Variants in LRP1B observed in about 807,000 individuals in gnomAD.
LRP1B encodes the protein low-density lipoprotein receptor-related protein 1B.
LRP1B carries 217 observed loss-of-function variants against 556.6 expected under a neutral mutation model. The ratio of observed to expected loss-of-function variants is 0.39; its 90% CI spans 0.35 to 0.44. LRP1B has a LOEUF of 0.44. LRP1B is among the 20% of genes least tolerant of loss of function. LRP1B has a pLI of 1.00. For missense variants in LRP1B, 5,053 were observed against 5,620.8 expected (o/e 0.90, Z 3.23); for synonymous variants, 2,047 against 1,865.8 (o/e 1.10, Z -2.50).
intron 29 of LRP1B, among the ~76,000 whole-genome samples, chr2:140,843,665 C>T (rs1573793679): frequency 6.6e-6 from 1 of 152,270 alleles, no homozygotes; most frequent in East Asian, 1.9e-4. Flanking sequence ...GAATTTTATT[C>T]ATAATAGGCT....
At chr2:140,263,903 G>A (rs370218741) in intron 86 of LRP1B, among the ~76,000 whole-genome samples, 1 of 151,070 alleles carries the variant, frequency 6.6e-6, no homozygotes, top group Non-Finnish European at 1.5e-5. Flanking sequence ...TGTTACAGCA[G>A]CACCACAATT....
At chr2:141,189,802 T>C (rs111598608) in intron 6 of LRP1B, among the ~76,000 whole-genome samples, 185 of 152,070 alleles carry the variant, frequency 1.2e-3, no homozygotes, top group African/African-American at 3.7e-3. Context: ...TGACTACTGT[T>C]GCGGCTTAGA....
At position 140,721,536 on chromosome 2, in the gene LRP1B, C is replaced by CT. The variant is rs10616730; in HGVS notation, c.5759-4721dup. Among the ~76,000 whole-genome samples, 395 of 69,582 alleles carry CT rather than the reference C, an allele frequency of 5.7e-3. 53 individuals are homozygous for CT. The highest frequency in any genetic ancestry group is 0.021 in the African/African-American group (352 of 16,954). The allele number at this position is 69,582 out of a possible 152,430, so 45.6% of individuals were successfully genotyped here. On this transcript the variant is annotated intron_variant, in intron 35 of 90. Coordinates refer to ENST00000389484, the MANE Select transcript of LRP1B (RefSeq NM_018557.3). ...TGTGTTGAATTGGATCAAAGATGCA[C>CT]TTTTTTTTTTTTTTTTTTTTTTTTT... is the stretch of plus-strand genomic sequence containing the variant.
In LRP1B at chr2:141,609,753, AC is replaced by A. The variant is rs201676061; in HGVS notation, c.206-129221del. ...AATGGTGATTTTCTTCCAGGTGCCC[AC>A]ACAACTCTGCCTTTCCCTTGAGCAA... is the stretch of plus-strand genomic sequence containing the variant. On this transcript the variant is annotated intron_variant, in intron 2 of 90. Transcript: ENST00000389484. 1.9e-3 allele frequency among the ~76,000 whole-genome samples: 291 copies of A among 152,238 alleles called. 7 individuals are homozygous for A. In the East Asian group the frequency reaches 0.047, roughly 25 times the overall value.
chr2:140,712,259 T>C (rs1413240899), intron 37 of LRP1B, among the ~76,000 whole-genome samples: 1 of 152,090 alleles, frequency 6.6e-6, no homozygotes. Context: ...AAGTTTAGAC[T>C]CTAGAGTCCC....
intron 41 of LRP1B, among the ~76,000 whole-genome samples, chr2:140,640,213 C>G (rs888486440): frequency 3.4e-5 from 5 of 148,138 alleles, no homozygotes; most frequent in Non-Finnish European, 5.9e-5. Flanking sequence ...ACTGTGGTCT[C>G]GATCTCCTGA....
Position 141,637,585 on chromosome 2 carries a change from C to T in LRP1B, c.206-157052G>A, listed in dbSNP as rs368454942. Among the ~76,000 whole-genome samples the T allele has an allele frequency of 2.2e-4, 33 of 152,280 alleles. 1 individual carries two copies. In the South Asian group the frequency reaches 6.6e-3, roughly 31 times the overall value. On this transcript the variant is annotated intron_variant, in intron 2 of 90. Transcript: ENST00000389484. ...GAATAAGCTCTCACTTCATGTTTGTCAGGTATCTTCTCCTGGTTTGCACTG... is the reference window on the plus strand; with the variant it reads ...GAATAAGCTCTCACTTCATGTTTGTTAGGTATCTTCTCCTGGTTTGCACTG...
At chr2:141,325,546 C>T (rs987851064) in intron 3 of LRP1B, among the ~76,000 whole-genome samples, 1 of 152,100 alleles carries the variant, frequency 6.6e-6, no homozygotes, top group Non-Finnish European at 1.5e-5. Flanking sequence ...ATTTTCCTCT[C>T]ACCCATATTT....
chr2:141,893,060 T>A (rs1699339525), intron 1 of LRP1B, among the ~76,000 whole-genome samples: 1 of 152,238 alleles, frequency 6.6e-6, no homozygotes, highest in Admixed American at 6.5e-5. Flanking sequence ...ATAAACCTTT[T>A]TGTCATGTTC....
intron 7 of LRP1B, among the ~76,000 whole-genome samples, chr2:141,068,529 G>A (rs1215225025): frequency 2.1e-5 from 3 of 141,682 alleles, no homozygotes; most frequent in Middle Eastern, 3.8e-3. Flanking sequence ...GGGCCATGTT[G>A]TCTCCTCCTG....
chr2:141,508,553 ACACT>A (rs2105146619), intron 2 of LRP1B, among the ~76,000 whole-genome samples: 1 of 152,304 alleles, frequency 6.6e-6, no homozygotes, highest in Non-Finnish European at 1.5e-5. Context: ...AGTGAATGAC[ACACT>A]CAGATTTTTA....
At chr2:141,287,882 AT>A (rs1356242213) in intron 3 of LRP1B, among the ~76,000 whole-genome samples, 2 of 152,186 alleles carry the variant, frequency 1.3e-5, no homozygotes, top group African/African-American at 4.8e-5. Flanking sequence ...TGATTACATA[AT>A]TGTTTATTTC....
At chr2:140,770,797 G>T in intron 34 of LRP1B, 84 bp downstream of exon 34, 1 of 1,170,680 alleles carries the variant, frequency 8.5e-7, no homozygotes, top group South Asian at 2.1e-5. Flanking sequence ...ATGTTTAACT[G>T]ACTTTGGTTG....
intron 1 of LRP1B, among the ~76,000 whole-genome samples, chr2:141,955,539 C>T (rs1015765774): frequency 5.3e-5 from 8 of 152,032 alleles, no homozygotes; most frequent in African/African-American, 1.9e-4. Context: ...CTTGTCACAA[C>T]CCTACGTTGA....
At chr2:140,399,452 T>C (rs748191731) in intron 66 of LRP1B, among the ~76,000 whole-genome samples, 1 of 152,192 alleles carries the variant, frequency 6.6e-6, no homozygotes, top group Admixed American at 6.6e-5. Context: ...TGTTATAAAG[T>C]ACAGTTTTAT....
chr2:141,550,885 C>T (rs1049446097), intron 2 of LRP1B, among the ~76,000 whole-genome samples: 2 of 151,950 alleles, frequency 1.3e-5, no homozygotes, highest in Non-Finnish European at 2.9e-5. Context: ...TGTCATATGC[C>T]ATATATTATT....
At chr2:140,836,958 T>C (rs939928833) in intron 31 of LRP1B, among the ~76,000 whole-genome samples, 1 of 152,168 alleles carries the variant, frequency 6.6e-6, no homozygotes, top group Non-Finnish European at 1.5e-5. Context: ...TGTATAAACA[T>C]TTGGTCATTT....
chr2:141,570,869 C>T (rs1686503198), intron 2 of LRP1B, among the ~76,000 whole-genome samples: 1 of 151,016 alleles, frequency 6.6e-6, no homozygotes, highest in Non-Finnish European at 1.5e-5. Flanking sequence ...ACTCCAATAA[C>T]TCCCAGCCAG....
intron 41 of LRP1B, among the ~76,000 whole-genome samples, chr2:140,684,843 G>C (rs1052184321): frequency 1.3e-5 from 2 of 152,170 alleles, no homozygotes; most frequent in Non-Finnish European, 2.9e-5. Flanking sequence ...CGAGGGGTTG[G>C]AGACAGAGAA....
Sources: gnomAD v4.1 joint callset for allele counts (sites outside exome capture counted in the v4.1 genomes callset) on GRCh38, gnomAD v4.1.1 for gene constraint, MANE v1.5 for transcripts, NCBI Gene and HGNC (gene_info 2026-07-23, HGNC 2026-07-21) for gene names.